Variants in CELF2 observed in about 807,000 individuals in gnomAD.
CELF2 encodes the protein CUGBP Elav-like family member 2.
In CELF2, 8 loss-of-function variants were observed where a neutral mutation model predicts 62.6. The ratio of observed to expected loss-of-function variants is 0.13; its 90% CI spans 0.07 to 0.23. The LOEUF is 0.23. Ranked by LOEUF, CELF2 falls within the 10% of genes least tolerant of loss-of-function variation. CELF2 has a pLI of 1.00. For synonymous variants in CELF2, 258 were observed against 250.0 expected (o/e 1.03, Z -0.30); for missense variants, 333 against 671.0 (o/e 0.50, Z 5.56).
At chr10:11,077,294 T>C (rs2072309488) in intron 1 of CELF2, among the ~76,000 whole-genome samples, 1 of 152,246 alleles carries the variant, frequency 6.6e-6, no homozygotes, top group Non-Finnish European at 1.5e-5. Flanking sequence ...TGGGTGCTTT[T>C]ATAATGACCA....
rs1487405663 is a variant in CELF2, at chr10:11,008,025, A to G, written c.53+2585A>G. Among the ~76,000 whole-genome samples, 1 of 152,164 alleles carries G rather than the reference A, an allele frequency of 6.6e-6. No individual in the cohort carries two copies. The highest frequency in any genetic ancestry group is 2.4e-5 in the African/African-American group (1 of 41,436). ...AGCTGCCCCCATTCTAGCATCCGAC[A>G]TACATATGTCTTTTCCTTTCACCTG... On this transcript the variant is annotated intron_variant, in intron 1 of 12. Transcript: ENST00000416382. This position sits in a 1 kb window ranked among gnomAD's most constrained non-coding sequence, Gnocchi z 4.5.
At chr10:10,984,190 C>T (rs775021726) in intron 2 of CELF2, among the ~76,000 whole-genome samples, 11 of 152,240 alleles carry the variant, frequency 7.2e-5, no homozygotes, top group Admixed American at 6.5e-5. Flanking sequence ...AAGAAACTTA[C>T]TGAAGGACAC....
At chr10:10,742,679 T>C in the CELF2 span, among the ~76,000 whole-genome samples, 2 of 152,232 alleles carry the variant, frequency 1.3e-5, no homozygotes, top group African/African-American at 4.8e-5. Flanking sequence ...AGTTTTCAAC[T>C]TGAAATTGTT....
In CELF2 at chr10:10,960,213, A is replaced by G. The variant is rs541295362; in HGVS notation, c.89+40214A>G. ...GTGCTGCAAGAACAAAGGTGGAGGC[A>G]TTGAAGCAACTTGTGCTTCTCTCCT... On this transcript the variant is annotated intron_variant, in intron 2 of 13. Coordinates refer to the CELF2 transcript ENST00000636488. The G allele has an allele frequency of 2.6e-5, 4 of 152,370 alleles. No individual in the cohort carries two copies. In the East Asian group the frequency reaches 7.7e-4, roughly 29 times the overall value. The allele number at this position is 152,370 out of a possible 1,614,324, so 9.4% of individuals were successfully genotyped here. A position where few individuals can be genotyped will look rare whatever the true frequency, so the allele number is the denominator to read the frequency against.
intron 1 of CELF2, chr10:11,071,674 G>A (rs913929835): frequency 1.3e-5 from 2 of 152,152 alleles, no homozygotes; most frequent in Admixed American, 1.3e-4. Flanking sequence ...TCTCTTAACT[G>A]TCTTGCTGCT....
rs1241884515 is a variant in CELF2 at position 11,315,853 on chromosome 10, A to G, written c.1096+1595A>G. On this transcript the variant is annotated intron_variant, in intron 10 of 12. Coordinates refer to ENST00000633077, the MANE Select transcript of CELF2 (RefSeq NM_001326342.2). This position sits in a 1 kb window ranked among gnomAD's most constrained non-coding sequence, Gnocchi z 5.8. The stretch of plus-strand genomic sequence containing the variant: ...AGGTCGAGGACGCGTGTGCTCGCAC[A>G]CATCCCCTCATGCTGCTTCTCTTGC... Among the ~76,000 whole-genome samples, 1 of 152,230 alleles carries G rather than the reference A, an allele frequency of 6.6e-6. No individual in the cohort carries two copies. The highest frequency in any genetic ancestry group is 1.9e-4 in the East Asian group (1 of 5,196).
At chr10:10,467,669 C>T in the CELF2 span, among the ~76,000 whole-genome samples, 1 of 151,978 alleles carries the variant, frequency 6.6e-6, no homozygotes, top group African/African-American at 2.4e-5. Flanking sequence ...GTAAAATTGA[C>T]ATGTTAACTC....
chr10:11,154,890 A>T (rs560116575), intron 1 of CELF2, among the ~76,000 whole-genome samples: 35 of 152,216 alleles, frequency 2.3e-4, no homozygotes, highest in Non-Finnish European at 5.0e-4. Flanking sequence ...AAAAACAATC[A>T]CAGGTAGGGA....
intron 1 of CELF2, among the ~76,000 whole-genome samples, chr10:11,094,934 T>C (rs1048022370): frequency 6.6e-6 from 1 of 152,232 alleles, no homozygotes; most frequent in African/African-American, 2.4e-5. Context: ...GTGTCCATTC[T>C]AATTTCCCAA....
rs568539571 is a variant in CELF2, at chr10:11,228,314, T to C, written c.354+10807T>C. ...CCTCAGAACTATGCCAAGAACTTTATATATACTTGATCTCACATAAAAAAC... is the reference window on the plus strand; with the variant it reads ...CCTCAGAACTATGCCAAGAACTTTACATATACTTGATCTCACATAAAAAAC... On this transcript the variant is annotated intron_variant, in intron 3 of 12. Transcript: ENST00000633077. Among the ~76,000 whole-genome samples the C allele has an allele frequency of 2.0e-5, 3 of 152,382 alleles. 1 individual carries two copies. Among genetic ancestry groups the C allele is most frequent in the African/African-American group, 7.2e-5 (3 of 41,586 alleles).
At chr10:10,832,271 A>G (rs1194065326) in intron 1 of CELF2, among the ~76,000 whole-genome samples, 1 of 122,958 alleles carries the variant, frequency 8.1e-6, no homozygotes, top group Non-Finnish European at 1.7e-5. Context: ...CCATCTAAAA[A>G]AAAAAAATAA....
At chr10:10,557,597 G>A in the CELF2 span, among the ~76,000 whole-genome samples, 2 of 151,770 alleles carry the variant, frequency 1.3e-5, no homozygotes, top group Non-Finnish European at 2.9e-5. Flanking sequence ...TGATGGGGAT[G>A]GCATTGAATC....
chr10:11,274,695 G>T (rs1373470137), intron 7 of CELF2, among the ~76,000 whole-genome samples: 1 of 152,214 alleles, frequency 6.6e-6, no homozygotes, highest in Non-Finnish European at 1.5e-5. Context: ...GAAAGTAGAA[G>T]AGAGGGAGGG....
the CELF2 span, among the ~76,000 whole-genome samples, chr10:10,686,310 T>TTTGGG: frequency 2.9e-5 from 2 of 69,756 alleles, no homozygotes; most frequent in Non-Finnish European, 5.8e-5. Context: ...TTGGATTTTT[T>TTTGGG]GGGGGGGGGG....
At chr10:10,748,572 C>T in the CELF2 span, among the ~76,000 whole-genome samples, 1 of 151,620 alleles carries the variant, frequency 6.6e-6, no homozygotes, top group African/African-American at 2.4e-5. Flanking sequence ...CACAGTGAAA[C>T]CCTGTCTCTA....
chr10:10,704,994 G>A, the CELF2 span, among the ~76,000 whole-genome samples: 1 of 151,746 alleles, frequency 6.6e-6, no homozygotes, highest in Non-Finnish European at 1.5e-5. Context: ...TTGAAGATCA[G>A]CCTGGGCAAC....
At chr10:10,590,028 G>A in the CELF2 span, among the ~76,000 whole-genome samples, 1 of 152,166 alleles carries the variant, frequency 6.6e-6, no homozygotes, top group African/African-American at 2.4e-5. Flanking sequence ...TCTGCCCGGG[G>A]TGCTCAGGAA....
rs761204038 is a variant in CELF2 at position 11,217,495 on chromosome 10, A to C, written c.342A>C (p.Lys114Asn). ...CCCAGAATGCACTGCACAATATTAA[A>C]ACTTTACCTGGGGTGAGTCGGTTTA... ...LEAQNALHNIKTLPGMHHPIQ... is the reference protein window; with the variant it reads ...LEAQNALHNINTLPGMHHPIQ... The change falls in exon 3 of 13, where the codon AAA (lysine) becomes AAC (asparagine). Residue 114 changes from lysine to asparagine, a missense_variant. Physicochemically the swap from Lys to Asn is moderately conservative, Grantham distance 94 (BLOSUM62 0). Coordinates refer to ENST00000633077, the MANE Select transcript of CELF2 (RefSeq NM_001326342.2). This position sits in a 1 kb window ranked among gnomAD's most constrained non-coding sequence, Gnocchi z 5.6. 2 of 1,610,096 alleles carry C rather than the reference A, an allele frequency of 1.2e-6. No individual in the cohort carries two copies. Among genetic ancestry groups the C allele is most frequent in the Non-Finnish European group, 1.7e-6 (2 of 1,177,142 alleles).
rs534053386 is a variant in CELF2 at position 10,983,671 on chromosome 10, G to A, written c.89+63672G>A. ...CAACCTCCACCTCCCAGGTTCAAGC[G>A]ATTCTCCTGCCTCAGCCTCCCAAGT... On this transcript the variant is annotated intron_variant, in intron 2 of 13. Transcript: ENST00000636488. This position sits in a 1 kb window ranked among gnomAD's most constrained non-coding sequence, Gnocchi z 5.2. Among the ~76,000 whole-genome samples, 7 of 152,250 alleles carry A rather than the reference G, an allele frequency of 4.6e-5. No individual in the cohort carries two copies. In the East Asian group the frequency reaches 5.8e-4, roughly 13 times the overall value.
Sources: allele counts gnomAD v4.1 joint callset (sites outside exome capture counted in the v4.1 genomes callset), GRCh38; gene constraint gnomAD v4.1.1; non-coding constraint Gnocchi (gnomAD v3.1); transcripts MANE v1.5; gene names NCBI Gene and HGNC (gene_info 2026-07-23, HGNC 2026-07-21).